NEDD4L: variants seen among roughly 807,000 people sequenced by gnomAD.
NEDD4L encodes NEDD4 like E3 ubiquitin protein ligase, also known as E3 ubiquitin-protein ligase NEDD4-like.
NEDD4L carries 54 observed loss-of-function variants against 148.9 expected under a neutral mutation model. That is an observed-to-expected ratio of 0.36 (90% CI 0.29 to 0.45). The LOEUF (loss-of-function observed/expected upper bound fraction) is 0.45, where lower values mean the gene tolerates loss of function less well. Ranked by LOEUF, NEDD4L falls within the 20% of genes least tolerant of loss-of-function variation. The pLI is 1.00. For missense variants in NEDD4L, 856 were observed against 1,233.8 expected (o/e 0.69, Z 4.59); for synonymous variants, 433 against 440.7 (o/e 0.98, Z 0.22).
intron 5 of NEDD4L, among the ~76,000 whole-genome samples, chr18:58,255,222 G>C (rs1004566250): frequency 6.6e-6 from 1 of 152,058 alleles, no homozygotes; most frequent in Non-Finnish European, 1.5e-5. Flanking sequence ...TGTGTTTGCT[G>C]CCTTAGTCAG....
At chr18:58,394,809 G>A (rs1602095324) in intron 30 of NEDD4L, among the ~76,000 whole-genome samples, 1 of 152,206 alleles carries the variant, frequency 6.6e-6, no homozygotes, top group East Asian at 1.9e-4. Context: ...TTTAGTATAT[G>A]TGCAAGTGCT....
intron 9 of NEDD4L, among the ~76,000 whole-genome samples, chr18:58,328,752 A>C (rs1246623162): frequency 6.6e-6 from 1 of 152,206 alleles, no homozygotes; most frequent in East Asian, 1.9e-4. Context: ...TATGCCTGAA[A>C]GATGCTCAAA....
chr18:58,368,880 A>G (rs2146194605), intron 22 of NEDD4L, among the ~76,000 whole-genome samples: 1 of 152,278 alleles, frequency 6.6e-6, no homozygotes, highest in South Asian at 2.1e-4. Flanking sequence ...CATGCCATAG[A>G]TTGTTTCAGC....
At chr18:58,328,540 T>G (rs1232342703) in intron 9 of NEDD4L, among the ~76,000 whole-genome samples, 1 of 152,104 alleles carries the variant, frequency 6.6e-6, no homozygotes, top group Non-Finnish European at 1.5e-5. Context: ...ATTTGTCCCT[T>G]TTGTAGTCTT....
At chr18:58,141,449 C>A (rs1490352553) in intron 1 of NEDD4L, among the ~76,000 whole-genome samples, 1 of 152,030 alleles carries the variant, frequency 6.6e-6, no homozygotes, top group East Asian at 1.9e-4. Flanking sequence ...GGAAATAAGG[C>A]AAAATGTTGA....
At chr18:58,062,949 C>G (rs2082396921) in intron 1 of NEDD4L, among the ~76,000 whole-genome samples, 1 of 140,480 alleles carries the variant, frequency 7.1e-6, no homozygotes, top group Non-Finnish European at 1.5e-5. Flanking sequence ...GATTGTGCCA[C>G]TGCACTCCAG....
intron 5 of NEDD4L, among the ~76,000 whole-genome samples, chr18:58,302,624 G>A (rs2056625535): frequency 1.3e-5 from 2 of 152,240 alleles, no homozygotes; most frequent in African/African-American, 4.8e-5. Context: ...AATATTGACA[G>A]TAGCTTAATA....
intron 1 of NEDD4L, among the ~76,000 whole-genome samples, chr18:58,066,928 C>T (rs539689045): frequency 6.6e-6 from 1 of 152,164 alleles, no homozygotes; most frequent in African/African-American, 2.4e-5. Flanking sequence ...CCTCCTACAA[C>T]ACTGGGGATT....
At chr18:58,098,731 CTT>C (rs201920613) in intron 1 of NEDD4L, among the ~76,000 whole-genome samples, 1,840 of 152,248 alleles carry the variant, frequency 0.012, 39 homozygotes, top group African/African-American at 0.042. Flanking sequence ...GAATTGGTCT[CTT>C]TTATTCTAGA....
intron 1 of NEDD4L, among the ~76,000 whole-genome samples, chr18:58,113,791 A>C (rs529930829): frequency 8.5e-5 from 13 of 152,228 alleles, no homozygotes; most frequent in South Asian, 4.1e-4. Flanking sequence ...AACCCACTCT[A>C]GTTGCTGTGT....
chr18:58,146,255 T>C (rs148807410), intron 1 of NEDD4L, among the ~76,000 whole-genome samples: 1 of 151,610 alleles, frequency 6.6e-6, no homozygotes, highest in East Asian at 1.9e-4. Flanking sequence ...AGCTCTGGAG[T>C]TGAGGTTTCT....
At chr18:58,341,236 C>T (rs2042383465) in intron 14 of NEDD4L, 67 bp downstream of exon 14, 3 of 1,553,080 alleles carry the variant, frequency 1.9e-6, no homozygotes, top group East Asian at 4.6e-5. Flanking sequence ...GACCGAACTC[C>T]TTTCCTGGTG....
chr18:58,291,869 C>CTCCAGCCT (rs2054810705), intron 5 of NEDD4L, among the ~76,000 whole-genome samples: 1 of 152,140 alleles, frequency 6.6e-6, no homozygotes, highest in African/African-American at 2.4e-5. Context: ...CTTCCTCTCC[C>CTCCAGCCT]TCCAGCCTTC....
chr18:58,334,284 A>C (rs769402554), intron 12 of NEDD4L, among the ~76,000 whole-genome samples: 1 of 152,212 alleles, frequency 6.6e-6, no homozygotes, highest in Admixed American at 6.5e-5. Flanking sequence ...GACCGTCCAC[A>C]TGTTCCTTTC....
chr18:58,111,818 A>G (rs1239551553), intron 1 of NEDD4L, among the ~76,000 whole-genome samples: 1 of 152,276 alleles, frequency 6.6e-6, no homozygotes, highest in South Asian at 2.1e-4. Flanking sequence ...TTGGATGAAT[A>G]TGTTTTCATT....
At position 58,399,506 on chromosome 18, in the gene NEDD4L, A is replaced by T. The variant is rs1014155100; in HGVS notation, c.*3237A>T. 4 of 152,210 alleles carry T rather than the reference A, an allele frequency of 2.6e-5. No homozygotes were observed. The highest frequency in any genetic ancestry group is 9.6e-5 in the African/African-American group (4 of 41,454). 9.4% of individuals were successfully genotyped at this position (152,210 alleles called of 1,614,324 possible). A position where few individuals can be genotyped will look rare whatever the true frequency, so the allele number is the denominator to read the frequency against. Reference sequence around the variant, plus strand: ...GGACAGATTATTATTGTTATTTCTGAGACAGAGTCTTGCTCTGTAGCTCAG... The same window carrying T: ...GGACAGATTATTATTGTTATTTCTGTGACAGAGTCTTGCTCTGTAGCTCAG... On this transcript the variant is annotated 3_prime_UTR_variant, in exon 31 of 31. Coordinates refer to ENST00000400345, the MANE Select transcript of NEDD4L (RefSeq NM_001144967.3).
At chr18:58,268,803 GCTGACCAGTTAAGGTTTCTGCAGAGGTT>G (rs1184366853) in intron 5 of NEDD4L, among the ~76,000 whole-genome samples, 8 of 152,096 alleles carry the variant, frequency 5.3e-5, no homozygotes, top group African/African-American at 1.9e-4. Context: ...GCTTCTTTAA[GCTGACCAGTTAAGGTTTCTGCAGAGGTT>G]CTGTGTTTGA....
intron 22 of NEDD4L, among the ~76,000 whole-genome samples, chr18:58,368,345 A>G (rs987667458): frequency 1.3e-5 from 2 of 152,220 alleles, no homozygotes; most frequent in Non-Finnish European, 2.9e-5. Flanking sequence ...AAATAATTTC[A>G]TTCTTATTTA....
At chr18:58,258,167 A>G (rs958788665) in intron 5 of NEDD4L, among the ~76,000 whole-genome samples, 1 of 152,076 alleles carries the variant, frequency 6.6e-6, no homozygotes, top group Non-Finnish European at 1.5e-5. Context: ...CTATTGGGAA[A>G]TGGCTAAGTG....
Sources: gnomAD v4.1 joint callset for allele counts (sites outside exome capture counted in the v4.1 genomes callset) on GRCh38, gnomAD v4.1.1 for gene constraint, MANE v1.5 for transcripts, NCBI Gene and HGNC (gene_info 2026-07-23, HGNC 2026-07-21) for gene names.